PCDHA4: variants seen among roughly 807,000 people sequenced by gnomAD.
PCDHA4 encodes protocadherin alpha 4.
Under a neutral mutation model 61.4 loss-of-function variants are expected in PCDHA4, and 49 were observed. The observed-to-expected ratio is 0.80, with a 90% CI of 0.63 to 1.01. PCDHA4 has a LOEUF of 1.01. Among genes scored for constraint, PCDHA4 ranks in the 50% least tolerant of loss-of-function variants. The pLI is 0.00. For synonymous variants in PCDHA4, 590 were observed against 550.3 expected (o/e 1.07, Z -1.01); for missense variants, 1,254 against 1,235.8 (o/e 1.01, Z -0.22).
chr5:140,850,812 A>C, intron 1 of PCDHA4: 1 of 1,598,316 alleles, frequency 6.3e-7, no homozygotes, highest in Non-Finnish European at 8.6e-7. Flanking sequence ...CATGGCCTTC[A>C]GCCCGGGCCT....
chr5:140,950,855 T>C (rs2094525829), intron 1 of PCDHA4, among the ~76,000 whole-genome samples: 2 of 152,102 alleles, frequency 1.3e-5, no homozygotes, highest in African/African-American at 4.8e-5. Context: ...TTCTTTCATA[T>C]TCTTGTATAT....
chr5:140,942,924 T>A (rs2093394309), intron 1 of PCDHA4, among the ~76,000 whole-genome samples: 1 of 151,518 alleles, frequency 6.6e-6, no homozygotes, highest in African/African-American at 2.4e-5. Context: ...AAAAAAAAAA[T>A]TGAAAAAGAG....
At chr5:140,809,687 C>A in intron 1 of PCDHA4, 115 bp downstream of exon 1, 2 of 1,291,002 alleles carry the variant, frequency 1.5e-6, no homozygotes, top group Non-Finnish European at 2.1e-6. Context: ...CCTCTTTTTA[C>A]ATATCCATTT....
Position 140,807,556 on chromosome 5 carries a change from G to A in PCDHA4, c.369G>A (p.Val123=). 2 of 1,614,184 alleles carry A rather than the reference G, an allele frequency of 1.2e-6. No individual in the cohort carries two copies. The highest frequency in any genetic ancestry group is 1.7e-6 in the Non-Finnish European group (2 of 1,180,034). The part of the protein sequence containing the change: ...PLQVFHVDVE[V]RDINDNPPVF... ...AGGTTTTCCATGTGGACGTGGAGGT[G>A]AGGGACATTAACGATAACCCGCCGG... Residue 123 remains valine (V), a synonymous_variant, in exon 1 of 4, where the codon GTG becomes GTA. Transcript: ENST00000530339.
intron 1 of PCDHA4, chr5:140,854,524 C>T (rs1220385144): frequency 6.7e-6 from 1 of 149,864 alleles, no homozygotes; most frequent in Non-Finnish European, 1.5e-5. Flanking sequence ...TTAAGTGACA[C>T]CCATTTCTGT....
intron 3 of PCDHA4, among the ~76,000 whole-genome samples, chr5:141,000,365 C>G (rs1413548696): frequency 7.8e-5 from 1 of 12,832 alleles, no homozygotes; most frequent in Non-Finnish European, 1.3e-4. Flanking sequence ...CTCTCTGTCT[C>G]TCTCTCTCTC....
chr5:140,884,276 G>A (rs2060082773), intron 1 of PCDHA4: 4 of 1,613,638 alleles, frequency 2.5e-6, no homozygotes, highest in East Asian at 2.2e-5. Flanking sequence ...GTTGTCGCTG[G>A]TGGAGAGCGG....
At chr5:140,834,844 T>C in intron 1 of PCDHA4, 2 of 1,611,130 alleles carry the variant, frequency 1.2e-6, no homozygotes, top group Non-Finnish European at 1.7e-6. Flanking sequence ...CGGTTTCCAC[T>C]AGAGGGCGCG....
intron 1 of PCDHA4, chr5:140,861,630 G>A (rs2047000934): frequency 6.3e-6 from 2 of 317,346 alleles, no homozygotes; most frequent in Admixed American, 6.9e-5. Flanking sequence ...AGTGTTCTCA[G>A]CAACACAAAA....
intron 1 of PCDHA4, among the ~76,000 whole-genome samples, chr5:140,898,820 G>A (rs1303151513): frequency 6.6e-6 from 1 of 152,208 alleles, no homozygotes; most frequent in Admixed American, 6.5e-5. Context: ...TCCTACCCAT[G>A]AGCATGGAAT....
chr5:140,887,391 C>T lies in PCDHA4; in HGVS notation c.2385+77819C>T, dbSNP rs181873563. ...GATTACAGGTGTGAGCCACCGCGCC[C>T]GGCTCTTTATCTCATTTTTATTTTT... On this transcript the variant is annotated intron_variant, in intron 1 of 3. Coordinates refer to ENST00000530339, the MANE Select transcript of PCDHA4 (RefSeq NM_018907.4). Among the ~76,000 whole-genome samples, 23 of 152,222 alleles carry T rather than the reference C, an allele frequency of 1.5e-4. 1 individual carries two copies. Among genetic ancestry groups the T allele is most frequent in the African/African-American group, 4.8e-4 (20 of 41,540 alleles).
chr5:140,857,802 T>G (rs251364), intron 1 of PCDHA4: 998,681 of 1,596,370 alleles, frequency 0.63, 345,026 homozygotes, highest in African/African-American at 0.69. Context: ...CGGTCGGTGG[T>G]TGCGGGTCAC....
chr5:140,972,910 C>G (rs2096563603), intron 1 of PCDHA4, among the ~76,000 whole-genome samples: 1 of 152,054 alleles, frequency 6.6e-6, no homozygotes, highest in Non-Finnish European at 1.5e-5. Flanking sequence ...GATCCACCCG[C>G]CTTGGCCTCC....
intron 1 of PCDHA4, among the ~76,000 whole-genome samples, chr5:140,915,680 A>G (rs2077249777): frequency 6.6e-6 from 1 of 150,862 alleles, no homozygotes; most frequent in South Asian, 2.1e-4. Context: ...ATCTTGAACT[A>G]GGGGTATGGT....
Position 140,807,240 on chromosome 5 carries a change from T to C in PCDHA4, c.53T>C (p.Leu18Pro). 6.2e-7 allele frequency: 1 copy of C among 1,614,082 alleles called. No individual in the cohort carries two copies. Among genetic ancestry groups the C allele is most frequent in the Non-Finnish European group, 8.5e-7 (1 of 1,179,986 alleles). ...GQESRRLLLL[L>P]LLLAAWEAGN... ...GAATCCCGGCGTCTGCTGCTCTTAC[T>C]TCTTCTCCTCGCAGCCTGGGAGGCA... Residue 18 changes from leucine (L) to proline (P), a missense_variant, in exon 1 of 4, where the codon CTT becomes CCT. Transcript: ENST00000530339.
intron 1 of PCDHA4, chr5:140,854,286 T>A: frequency 1.9e-6 from 1 of 522,000 alleles, no homozygotes; most frequent in Non-Finnish European, 2.5e-6. Flanking sequence ...AGTTTAGTTT[T>A]TATTATTTTG....
intron 1 of PCDHA4, chr5:140,870,870 G>A: frequency 6.2e-7 from 1 of 1,613,948 alleles, no homozygotes; most frequent in Non-Finnish European, 8.5e-7. Flanking sequence ...CGGGCCACGT[G>A]GTGGCGAAGG....
In PCDHA4 at chr5:140,843,809, A is replaced by G; in HGVS notation, c.2385+34237A>G. 2.3e-6 allele frequency: 3 copies of G among 1,286,100 alleles called. 1 individual carries two copies. Among genetic ancestry groups the G allele is most frequent in the Non-Finnish European group, 3.2e-6 (3 of 925,236 alleles). 79.7% of individuals were successfully genotyped at this position (1,286,100 alleles called of 1,614,324 possible). A position where few individuals can be genotyped will look rare whatever the true frequency, so the allele number is the denominator to read the frequency against. On this transcript the variant is annotated intron_variant, in intron 1 of 3. Coordinates refer to ENST00000530339, the MANE Select transcript of PCDHA4 (RefSeq NM_018907.4). ...CAGATTTAGTTTTTCACCGTATTTTATAGTGAAAATTTAAACATTGTTTAG... is the reference window on the plus strand; with the variant it reads ...CAGATTTAGTTTTTCACCGTATTTTGTAGTGAAAATTTAAACATTGTTTAG...
chr5:140,820,836 G>C (rs1389375569), intron 1 of PCDHA4, among the ~76,000 whole-genome samples: 5 of 151,896 alleles, frequency 3.3e-5, no homozygotes. Context: ...ATCAGTAATA[G>C]CAACTTGAAG....
Sources: allele counts gnomAD v4.1 joint callset (sites outside exome capture counted in the v4.1 genomes callset), GRCh38; gene constraint gnomAD v4.1.1; transcripts MANE v1.5; gene names NCBI Gene and HGNC (gene_info 2026-07-23, HGNC 2026-07-21).